Variants in ODR4 observed in about 807,000 individuals in gnomAD.
ODR4 encodes protein odr-4 homolog.
ODR4 carries 47 observed loss-of-function variants against 60.2 expected under a neutral mutation model. That is an observed-to-expected ratio of 0.78 (90% CI 0.62 to 1.00). The LOEUF (loss-of-function observed/expected upper bound fraction) is 1.00. Ranked by LOEUF, ODR4 falls within the 50% of genes least tolerant of loss-of-function variation. The probability of loss-of-function intolerance (pLI) is 0.00; values close to 1 mark genes in which losing one functional copy is unlikely to be tolerated. For synonymous variants in ODR4, 178 were observed against 175.5 expected (o/e 1.01, Z -0.11); for missense variants, 488 against 530.8 (o/e 0.92, Z 0.79).
chr1:186,381,586 C>G (rs941052976), intron 2 of ODR4, among the ~76,000 whole-genome samples: 4 of 152,222 alleles, frequency 2.6e-5, no homozygotes, highest in Non-Finnish European at 5.9e-5. Context: ...CTCGGCCTCC[C>G]AAAGTGCTGG....
At chr1:186,402,444 G>C (rs1046736244) in intron 11 of ODR4, among the ~76,000 whole-genome samples, 1 of 150,232 alleles carries the variant, frequency 6.7e-6, no homozygotes, top group Non-Finnish European at 1.5e-5. Flanking sequence ...CTGTCACCCA[G>C]CCTGGAATGC....
chr1:186,430,957 C>G, the ODR4 span, among the ~76,000 whole-genome samples: 1 of 151,144 alleles, frequency 6.6e-6, no homozygotes, highest in African/African-American at 2.4e-5. Flanking sequence ...GGGAAACATA[C>G]TGATGAAAGG....
At chr1:186,411,909 T>C (rs1246854587) in intron 12 of ODR4, 23 of 768,598 alleles carry the variant, frequency 3.0e-5, no homozygotes, top group Non-Finnish European at 3.6e-5. Flanking sequence ...TATACTTACA[T>C]GTATGCCATA....
At chr1:186,401,319 G>C in intron 11 of ODR4, 1 of 704,476 alleles carries the variant, frequency 1.4e-6, no homozygotes, top group Non-Finnish European at 2.3e-6. Flanking sequence ...GTTTTTACTG[G>C]CAATTGGGTG....
At chr1:186,383,971 G>A (rs1045297457) in intron 3 of ODR4, among the ~76,000 whole-genome samples, 3 of 152,032 alleles carry the variant, frequency 2.0e-5, no homozygotes, top group African/African-American at 4.8e-5. Context: ...CCTGGGAGGC[G>A]GAGGTTGCAA....
the ODR4 span, among the ~76,000 whole-genome samples, chr1:186,428,529 A>G: frequency 6.6e-6 from 1 of 152,162 alleles, no homozygotes; most frequent in Non-Finnish European, 1.5e-5. Flanking sequence ...AGGCTATTTC[A>G]CTTATTCATA....
intron 12 of ODR4, among the ~76,000 whole-genome samples, chr1:186,415,999 G>T (rs1172525195): frequency 6.6e-6 from 1 of 152,070 alleles, no homozygotes; most frequent in Non-Finnish European, 1.5e-5. Flanking sequence ...TTTCAAGTTG[G>T]ATCCAGAGTC....
intron 7 of ODR4, among the ~76,000 whole-genome samples, chr1:186,391,253 T>C (rs568743679): frequency 6.6e-6 from 1 of 152,162 alleles, no homozygotes; most frequent in South Asian, 2.1e-4. Flanking sequence ...TTTTTTTGTC[T>C]TCCTTTTTCC....
chr1:186,395,787 A>G (rs1426869692), intron 9 of ODR4, among the ~76,000 whole-genome samples: 1 of 152,150 alleles, frequency 6.6e-6, no homozygotes, highest in Non-Finnish European at 1.5e-5. Flanking sequence ...TCTGAATCAT[A>G]GTTTATGTTC....
intron 11 of ODR4, among the ~76,000 whole-genome samples, chr1:186,403,773 T>C (rs1226506240): frequency 6.6e-6 from 1 of 152,206 alleles, no homozygotes; most frequent in African/African-American, 2.4e-5. Context: ...TAAGTCTTCA[T>C]TTGATCCTGC....
chr1:186,401,530 T>C, intron 11 of ODR4: 1 of 183,686 alleles, frequency 5.4e-6, no homozygotes, highest in South Asian at 1.3e-4. Context: ...CCTTCCTTCC[T>C]TCCTCTCTTT....
chr1:186,384,581 A>G (rs912729670), intron 3 of ODR4, among the ~76,000 whole-genome samples: 14 of 151,750 alleles, frequency 9.2e-5, no homozygotes, highest in Admixed American at 8.5e-4. Flanking sequence ...TGACACACAC[A>G]CACACACACA....
chr1:186,429,008 T>A, the ODR4 span, among the ~76,000 whole-genome samples: 1 of 152,048 alleles, frequency 6.6e-6, no homozygotes, highest in African/African-American at 2.4e-5. Flanking sequence ...CTTTGGCGAG[T>A]AAATCACTTG....
chr1:186,387,862 T>A (rs1273696926), intron 4 of ODR4, among the ~76,000 whole-genome samples: 1 of 152,236 alleles, frequency 6.6e-6, no homozygotes, highest in Non-Finnish European at 1.5e-5. Flanking sequence ...GACACAAATT[T>A]ATCTCACTAT....
downstream of ODR4, among the ~76,000 whole-genome samples, chr1:186,425,819 A>G (rs1661871518): frequency 6.6e-6 from 1 of 152,220 alleles, no homozygotes; most frequent in African/African-American, 2.4e-5. Flanking sequence ...GATCTTTGCC[A>G]TAAGGTGATT....
the ODR4 span, among the ~76,000 whole-genome samples, chr1:186,434,118 A>G: frequency 2.1e-4 from 31 of 150,830 alleles, no homozygotes; most frequent in East Asian, 3.3e-3. Context: ...GTGGTACTGT[A>G]CCATTTTATA....
intron 10 of ODR4, 128 bp downstream of exon 10, chr1:186,398,569 A>C: frequency 1.1e-6 from 1 of 900,508 alleles, no homozygotes; most frequent in Admixed American, 3.4e-5. Context: ...CCTATTGTGC[A>C]GTCCAAATGT....
downstream of ODR4, among the ~76,000 whole-genome samples, chr1:186,424,312 G>T (rs1181924491): frequency 6.6e-6 from 1 of 152,144 alleles, no homozygotes; most frequent in Non-Finnish European, 1.5e-5. Flanking sequence ...AGCTATAAAA[G>T]AAACCTAAAC....
chr1:186,396,756 GATAT>G (rs1400473410), intron 9 of ODR4, among the ~76,000 whole-genome samples: 14 of 151,342 alleles, frequency 9.3e-5, no homozygotes, highest in South Asian at 2.1e-4. Flanking sequence ...TAGATAGATA[GATAT>G]ATGTATATAC....
Sources: allele counts gnomAD v4.1 joint callset (sites outside exome capture counted in the v4.1 genomes callset), GRCh38; gene constraint gnomAD v4.1.1; transcripts MANE v1.5; gene names NCBI Gene and HGNC (gene_info 2026-07-23, HGNC 2026-07-21).